The following PDE4D variants were observed in gnomAD, a reference collection of about 807,000 sequenced individuals.
PDE4D encodes 3',5'-cyclic-AMP phosphodiesterase 4D.
A neutral mutation model predicts 87.4 loss-of-function variants in PDE4D; 24 were observed. That is an observed-to-expected ratio of 0.27 (90% CI 0.20 to 0.39). The LOEUF is 0.39. PDE4D is among the 10% of genes least tolerant of loss of function. The pLI, the probability that PDE4D is intolerant of heterozygous loss-of-function variation, is 1.00. For missense variants in PDE4D, 714 were observed against 1,041.0 expected (o/e 0.69, Z 4.32); for synonymous variants, 384 against 383.2 (o/e 1.00, Z -0.02).
rs1190984863 is a variant in PDE4D at position 58,975,746 on chromosome 5, ACTC to A, written c.1921_1923del (p.Glu641del). 6.2e-7 allele frequency: 1 copy of A among 1,612,616 alleles called. No homozygotes were observed. The highest frequency in any genetic ancestry group is 1.3e-5 in the African/African-American group (1 of 74,706). ...CTCTCTCGGTCTCCTTGGCGGAAGA[ACTC>A]CTCCATTATCCGGTCCGTCCACTGG... On this transcript the variant is annotated inframe_deletion, in exon 14 of 15. Coordinates refer to ENST00000340635, the MANE Select transcript of PDE4D (RefSeq NM_001104631.2). The surrounding 1 kb of genome is among the most constrained non-coding windows in gnomAD (Gnocchi z 4.2).
chr5:59,930,146 G>A (rs542879286), intron 3 of PDE4D, among the ~76,000 whole-genome samples: 1 of 114,708 alleles, frequency 8.7e-6, no homozygotes, highest in East Asian at 3.1e-4. Flanking sequence ...CTGGGCAACA[G>A]AGCGAGACTC....
chr5:59,724,764 C>A (rs1756359523), intron 1 of PDE4D, among the ~76,000 whole-genome samples: 1 of 151,970 alleles, frequency 6.6e-6, no homozygotes. Context: ...TTTGGAGGTT[C>A]CAAGGATTGC....
intron 1 of PDE4D, among the ~76,000 whole-genome samples, chr5:59,841,922 A>G (rs956259728): frequency 5.3e-5 from 8 of 152,040 alleles, no homozygotes; most frequent in African/African-American, 1.9e-4. Flanking sequence ...CTGCAGAGAG[A>G]TGAAGTGGGA....
At chr5:60,398,934 T>C (rs1016802759) in intron 1 of PDE4D, among the ~76,000 whole-genome samples, 19 of 152,138 alleles carry the variant, frequency 1.2e-4, no homozygotes, top group African/African-American at 3.9e-4. Context: ...CACTAAACTC[T>C]ACTTCCTCAT....
chr5:59,051,972 AAGAGAATAGTC>A (rs1761620836), intron 5 of PDE4D, among the ~76,000 whole-genome samples: 2 of 151,812 alleles, frequency 1.3e-5, no homozygotes, highest in African/African-American at 4.8e-5. Flanking sequence ...TTCCCCCTGA[AAGAGAATAGTC>A]AAAAAATCCA....
intron 2 of PDE4D, among the ~76,000 whole-genome samples, chr5:60,182,606 C>T (rs1784453784): frequency 6.6e-6 from 1 of 151,968 alleles, no homozygotes; most frequent in Non-Finnish European, 1.5e-5. Context: ...CACTCCAGCG[C>T]CGTGGCTCAT....
chr5:59,801,306 C>T (rs1371322534), intron 1 of PDE4D, among the ~76,000 whole-genome samples: 3 of 152,054 alleles, frequency 2.0e-5, no homozygotes, highest in Non-Finnish European at 4.4e-5. Context: ...CACCAAATTT[C>T]ACTTCATATT....
intron 2 of PDE4D, among the ~76,000 whole-genome samples, chr5:59,998,955 T>C (rs1049118430): frequency 1.3e-5 from 2 of 152,168 alleles, no homozygotes; most frequent in African/African-American, 4.8e-5. Flanking sequence ...TATTAAATAC[T>C]GTAAAAGTAT....
intron 1 of PDE4D, among the ~76,000 whole-genome samples, chr5:59,755,379 TA>T (rs1461890229): frequency 6.6e-6 from 1 of 152,230 alleles, no homozygotes; most frequent in East Asian, 1.9e-4. Flanking sequence ...TACAAAGCTT[TA>T]TTTTTAAACA....
At chr5:59,491,201 T>C (rs1160071269) in intron 1 of PDE4D, among the ~76,000 whole-genome samples, 1 of 152,232 alleles carries the variant, frequency 6.6e-6, no homozygotes, top group African/African-American at 2.4e-5. Context: ...AACATCTCAT[T>C]ATTCTTTTTA....
intron 1 of PDE4D, among the ~76,000 whole-genome samples, chr5:60,483,853 TA>T (rs1425496045): frequency 6.6e-6 from 1 of 152,192 alleles, no homozygotes; most frequent in African/African-American, 2.4e-5. Flanking sequence ...TTCTATCTTT[TA>T]AAAAGGGTTC....
At chr5:59,112,404 A>G (rs1772825155) in intron 5 of PDE4D, among the ~76,000 whole-genome samples, 1 of 152,206 alleles carries the variant, frequency 6.6e-6, no homozygotes, top group Non-Finnish European at 1.5e-5. Context: ...GAATGACATG[A>G]TTTGCACTGA....
At chr5:59,190,870 C>A (rs939293499) in intron 3 of PDE4D, among the ~76,000 whole-genome samples, 2 of 152,098 alleles carry the variant, frequency 1.3e-5, no homozygotes, top group Non-Finnish European at 2.9e-5. Flanking sequence ...TCTAGTGGGG[C>A]TTTCCAGGTC....
chr5:60,253,752 A>C (rs1022369407), intron 1 of PDE4D, among the ~76,000 whole-genome samples: 2 of 151,954 alleles, frequency 1.3e-5, no homozygotes, highest in South Asian at 4.1e-4. Context: ...TGAGTACTAA[A>C]GTCAAGAGTA....
chr5:59,070,658 C>A (rs1764626899), intron 5 of PDE4D, among the ~76,000 whole-genome samples: 2 of 152,042 alleles, frequency 1.3e-5, no homozygotes, highest in African/African-American at 4.8e-5. Flanking sequence ...TGTAACATAC[C>A]CTGATTACCT....
intron 1 of PDE4D, among the ~76,000 whole-genome samples, chr5:60,300,058 T>C (rs1431179708): frequency 6.6e-6 from 1 of 152,098 alleles, no homozygotes; most frequent in African/African-American, 2.4e-5. Flanking sequence ...TTTACCAGTA[T>C]CTGTTGTTTT....
chr5:59,979,084 C>T (rs952803469), intron 3 of PDE4D, among the ~76,000 whole-genome samples: 4 of 151,948 alleles, frequency 2.6e-5, no homozygotes, highest in Non-Finnish European at 4.4e-5. Context: ...ATTGCAGTGG[C>T]CTGGATCTGA....
At chr5:59,348,659 G>C (rs1409987417) in intron 1 of PDE4D, among the ~76,000 whole-genome samples, 2 of 91,820 alleles carry the variant, frequency 2.2e-5, no homozygotes, top group South Asian at 6.8e-4. Flanking sequence ...TTACATACTT[G>C]TCCCCTTTGA....
intron 2 of PDE4D, among the ~76,000 whole-genome samples, chr5:59,199,632 T>C (rs1400932832): frequency 3.3e-5 from 5 of 152,132 alleles, no homozygotes; most frequent in Admixed American, 3.3e-4. Flanking sequence ...GACAACTTCT[T>C]TTAGAATTAT....
Sources: gnomAD v4.1 joint callset for allele counts (sites outside exome capture counted in the v4.1 genomes callset) on GRCh38, gnomAD v4.1.1 for gene constraint, Gnocchi (gnomAD v3.1) non-coding constraint, MANE v1.5 for transcripts, NCBI Gene and HGNC (gene_info 2026-07-23, HGNC 2026-07-21) for gene names.